The following HK1 variants were observed in gnomAD, a reference collection of about 807,000 sequenced individuals.
HK1 encodes hexokinase-1.
HK1 carries 28 observed loss-of-function variants against 91.6 expected under a neutral mutation model. The ratio of observed to expected loss-of-function variants is 0.31; its 90% confidence interval spans 0.23 to 0.42. HK1 has a LOEUF of 0.42. Ranked by LOEUF, HK1 falls within the 10% of genes least tolerant of loss-of-function variation. HK1 has a pLI of 1.00. For missense variants in HK1, 770 were observed against 1,219.8 expected (o/e 0.63, Z 5.49); for synonymous variants, 430 against 468.1 (o/e 0.92, Z 1.05).
chr10:69,383,671 G>A (rs147143074), intron 10 of HK1, among the ~76,000 whole-genome samples: 211 of 152,384 alleles, frequency 1.4e-3, no homozygotes, highest in Non-Finnish European at 2.7e-3. Context: ...CAGCTGGGAG[G>A]CAGATCTCAG....
chr10:69,316,009 A>G (rs761454960), upstream of HK1: 7 of 1,613,820 alleles, frequency 4.3e-6, no homozygotes, highest in Non-Finnish European at 5.9e-6. Context: ...GGCCTGGGAG[A>G]TTGGGGTGAG....
At chr10:69,292,535 G>A (rs1301072696) in intron 3 of HK1, among the ~76,000 whole-genome samples, 1 of 152,056 alleles carries the variant, frequency 6.6e-6, no homozygotes, top group Non-Finnish European at 1.5e-5. Flanking sequence ...CTTCCTTATA[G>A]AGTGGGATTG....
chr10:69,326,593 C>T (rs1306070967), intron 1 of HK1, among the ~76,000 whole-genome samples: 8 of 152,164 alleles, frequency 5.3e-5, no homozygotes, highest in Non-Finnish European at 1.2e-4. Flanking sequence ...TACCTTGGAA[C>T]CTGTATTTTA....
intron 1 of HK1, chr10:69,319,327 TCC>T: frequency 1.9e-6 from 1 of 515,168 alleles, no homozygotes; most frequent in South Asian, 2.1e-5. Context: ...GGTGGGCCCT[TCC>T]GCAGGGCCTG....
chr10:69,343,995 T>A lies in HK1; in HGVS notation c.226+6T>A. On this transcript the variant is annotated splice_donor_region_variant and intron_variant, in intron 2 of 17. Coordinates refer to ENST00000359426, the MANE Select transcript of HK1 (RefSeq NM_000188.3). ...GTCCATTCCTGATGGCTCTGGTAAG[T>A]CTGTCACCCAGAGATTGAACCCTGA... 1 of 1,613,860 alleles carries A rather than the reference T, an allele frequency of 6.2e-7. No homozygotes were observed.
At chr10:69,384,622 A>G (rs1839544520) in intron 11 of HK1, 141 bp downstream of exon 11, 2 of 1,417,914 alleles carry the variant, frequency 1.4e-6, no homozygotes, top group Non-Finnish European at 2.0e-6. Flanking sequence ...GCTTTTTGCC[A>G]TGCCTGGCTT....
In HK1 at chr10:69,380,752, A is replaced by G. The variant is rs909016745; in HGVS notation, c.1265+657A>G. Among the ~76,000 whole-genome samples, 5 of 152,214 alleles carry G rather than the reference A, an allele frequency of 3.3e-5. No individual in the cohort carries two copies. The highest frequency in any genetic ancestry group is 9.6e-5 in the African/African-American group (4 of 41,452). On this transcript the variant is annotated intron_variant, in intron 9 of 17. Coordinates refer to ENST00000359426, the MANE Select transcript of HK1 (RefSeq NM_000188.3). This position sits in a 1 kb window ranked among gnomAD's most constrained non-coding sequence, Gnocchi z 4.0. The stretch of plus-strand genomic sequence containing the variant: ...CTGTCAGTGGCCCCAGCCAGTCCTC[A>G]TGCCATCTCACCTTAGTTTTAGAAG...
intron 13 of HK1, among the ~76,000 whole-genome samples, chr10:69,388,045 G>A (rs907656657): frequency 6.6e-6 from 1 of 152,126 alleles, no homozygotes; most frequent in Non-Finnish European, 1.5e-5. Context: ...GGGCTGATTT[G>A]TCTGCTGTCT....
chr10:69,391,710 C>T (rs1366775838), intron 14 of HK1, among the ~76,000 whole-genome samples: 2 of 152,318 alleles, frequency 1.3e-5, no homozygotes, highest in East Asian at 1.9e-4. Flanking sequence ...ATATTTTATA[C>T]ACATATATAT....
At chr10:69,283,506 C>T (rs10823331) in intron 2 of HK1, among the ~76,000 whole-genome samples, 39,364 of 149,256 alleles carry the variant, frequency 0.26, 6,002 homozygotes, top group East Asian at 0.55. Context: ...GCTGGCTGGG[C>T]GTGGTGGTTC....
intron 5 of HK1, among the ~76,000 whole-genome samples, chr10:69,304,551 G>T (rs1043374739): frequency 6.6e-6 from 1 of 152,086 alleles, no homozygotes; most frequent in African/African-American, 2.4e-5. Context: ...CAAGTGATCC[G>T]CTCGCCTTGG....
At chr10:69,353,215 G>A (rs988610769) in intron 2 of HK1, among the ~76,000 whole-genome samples, 1 of 152,138 alleles carries the variant, frequency 6.6e-6, no homozygotes, top group African/African-American at 2.4e-5. Context: ...CTCCAGGGAG[G>A]GAGAGAGCCT....
intron 2 of HK1, among the ~76,000 whole-genome samples, chr10:69,284,724 C>T (rs539513758): frequency 3.3e-5 from 5 of 152,244 alleles, no homozygotes; most frequent in South Asian, 2.1e-4. Flanking sequence ...CTGCAACCTC[C>T]GCCTCCAGGG....
chr10:69,318,377 C>A (rs1461414625), upstream of HK1: 1 of 295,106 alleles, frequency 3.4e-6, no homozygotes, highest in South Asian at 1.3e-4. Context: ...CCACCGGACT[C>A]CTAGGGGCGA....
In HK1 at chr10:69,376,917, T is replaced by C. The variant is rs995933745; in HGVS notation, c.876-17T>C. ...GCAGAGGAAGGCTGACAAGTGCCGG[T>C]GTGCCTTTCTCCACAGGTTTGAGAA... is the stretch of plus-strand genomic sequence containing the variant. On this transcript the variant is annotated splice_polypyrimidine_tract_variant and intron_variant, in intron 7 of 17. Coordinates refer to ENST00000359426, the MANE Select transcript of HK1 (RefSeq NM_000188.3). The C allele has an allele frequency of 6.2e-7, 1 of 1,614,028 alleles. No individual in the cohort carries two copies. The highest frequency in any genetic ancestry group is 8.5e-7 in the Non-Finnish European group (1 of 1,179,934).
chr10:69,300,453 C>G lies in HK1; in HGVS notation c.-66-316C>G, dbSNP rs953782420. The G allele has an allele frequency of 3.0e-5, 24 of 808,518 alleles. No homozygotes were observed. In the Admixed American group the frequency reaches 4.6e-4, roughly 16 times the overall value. 50.1% of individuals were successfully genotyped at this position (808,518 alleles called of 1,614,324 possible). A position where few individuals can be genotyped will look rare whatever the true frequency, so the allele number is the denominator to read the frequency against. Reference sequence around the variant, plus strand: ...TCTAGAAAAAGAATCCCAGGATTTTCCTTCCTGTGTGTTTTCGTCTTGCTT... The same window carrying G: ...TCTAGAAAAAGAATCCCAGGATTTTGCTTCCTGTGTGTTTTCGTCTTGCTT... On this transcript the variant is annotated intron_variant, in intron 4 of 21. Coordinates refer to the HK1 transcript ENST00000360289.
intron 13 of HK1, among the ~76,000 whole-genome samples, chr10:69,388,338 TGAG>T (rs1839743677): frequency 1.3e-5 from 2 of 152,110 alleles, no homozygotes; most frequent in African/African-American, 4.8e-5. Flanking sequence ...TCCCACCTAC[TGAG>T]GAGGCTGAGG....
At chr10:69,331,848 A>G (rs1847737600) in intron 1 of HK1, among the ~76,000 whole-genome samples, 1 of 152,178 alleles carries the variant, frequency 6.6e-6, no homozygotes, top group African/African-American at 2.4e-5. Flanking sequence ...ACTGCACTCC[A>G]GCCTAGGTGA....
At chr10:69,309,701 T>C (rs1846271410) in intron 5 of HK1, among the ~76,000 whole-genome samples, 3 of 150,950 alleles carry the variant, frequency 2.0e-5, no homozygotes, top group Non-Finnish European at 4.4e-5. Flanking sequence ...CTCGGGAGGC[T>C]GAGGCAGGAG....
Sources: gnomAD v4.1 joint callset for allele counts (sites outside exome capture counted in the v4.1 genomes callset) on GRCh38, gnomAD v4.1.1 for gene constraint, Gnocchi (gnomAD v3.1) non-coding constraint, MANE v1.5 for transcripts, NCBI Gene and HGNC (gene_info 2026-07-23, HGNC 2026-07-21) for gene names.